The following VAV1 variants were observed in gnomAD, a reference collection of about 807,000 sequenced individuals.
VAV1 encodes proto-oncogene vav.
VAV1 carries 33 observed loss-of-function variants against 128.1 expected under a neutral mutation model. The observed-to-expected ratio is 0.26, with a 90% CI of 0.20 to 0.34. The LOEUF is 0.34. Ranked by LOEUF, VAV1 falls within the 10% of genes least tolerant of loss-of-function variation. VAV1 has a pLI of 1.00. For missense variants in VAV1, 715 were observed against 1,093.7 expected, an observed-to-expected ratio of 0.65 and a Z score of 4.88; for synonymous variants, 394 against 409.8, an observed-to-expected ratio of 0.96 and a Z score of 0.47.
At chr19:6,781,842 G>A (rs1407106149) in intron 1 of VAV1, among the ~76,000 whole-genome samples, 1 of 151,828 alleles carries the variant, frequency 6.6e-6, no homozygotes, top group Non-Finnish European at 1.5e-5. Context: ...TCCTGACCTC[G>A]AGTGATCCAC....
chr19:6,832,018 G>C (rs751537311), intron 14 of VAV1, 73 bp from the exon 15 acceptor site: 16 of 1,289,868 alleles, frequency 1.2e-5, no homozygotes, highest in Non-Finnish European at 1.8e-5. Context: ...CCTACAGAGG[G>C]AGGGGTGGGT....
intron 1 of VAV1, among the ~76,000 whole-genome samples, chr19:6,798,378 G>T (rs554144067): frequency 6.6e-5 from 10 of 151,878 alleles, no homozygotes; most frequent in Non-Finnish European, 1.3e-4. Context: ...CTGTAATCTC[G>T]CCCCTTTGGG....
Position 6,779,001 on chromosome 19 carries a change from C to T in VAV1, c.204+5990C>T, listed in dbSNP as rs149065980. On this transcript the variant is annotated intron_variant, in intron 1 of 26. Coordinates refer to ENST00000602142, the MANE Select transcript of VAV1 (RefSeq NM_005428.4). ...AAGCAGTCCTCCTGCCTCAGCCTCC[C>T]GAGTAGCTGGGACTACAGGTGTGCA... Among the ~76,000 whole-genome samples, 1,145 of 131,934 alleles carry T rather than the reference C, an allele frequency of 8.7e-3. 19 individuals carry two copies. Among genetic ancestry groups the T allele is most frequent in the African/African-American group, 0.032 (978 of 30,316 alleles). 86.6% of individuals were successfully genotyped at this position (131,934 alleles called of 152,430 possible). A position where few individuals can be genotyped will look rare whatever the true frequency, so the allele number is the denominator to read the frequency against.
intron 15 of VAV1, 75 bp from the exon 16 acceptor site, chr19:6,833,109 G>A (rs930766397): frequency 7.6e-7 from 1 of 1,318,622 alleles, no homozygotes; most frequent in South Asian, 1.4e-5. Flanking sequence ...TTCATACCAT[G>A]GAATAGTATT....
chr19:6,827,099 A>G (rs4807102), intron 9 of VAV1: 44,865 of 225,466 alleles, frequency 0.2, 5,774 homozygotes, highest in Non-Finnish European at 0.28. Flanking sequence ...CTGAACTTCA[A>G]CCTGGATCTG....
In VAV1 at chr19:6,821,874, C is replaced by T. The variant is rs764281973; in HGVS notation, c.449+15C>T. On this transcript the variant is annotated intron_variant, in intron 4 of 26. Coordinates refer to ENST00000602142, the MANE Select transcript of VAV1 (RefSeq NM_005428.4). Reference sequence around the variant, plus strand: ...GACCAGATCGAGTGAGTGCTCAGGCCTGTGGCCGCACAGCTCACTGGAGCA... The same window carrying T: ...GACCAGATCGAGTGAGTGCTCAGGCTTGTGGCCGCACAGCTCACTGGAGCA... 1 of 1,614,088 alleles carries T rather than the reference C, an allele frequency of 6.2e-7. No individual in the cohort carries two copies. Among genetic ancestry groups the T allele is most frequent in the African/African-American group, 1.3e-5 (1 of 75,076 alleles).
chr19:6,790,329 A>G (rs955097099), intron 1 of VAV1, among the ~76,000 whole-genome samples: 1 of 152,220 alleles, frequency 6.6e-6, no homozygotes. Flanking sequence ...TTCTGAGTTC[A>G]TGCCCTCTTG....
chr19:6,799,939 T>C (rs991124416), intron 1 of VAV1, among the ~76,000 whole-genome samples: 6 of 151,894 alleles, frequency 4.0e-5, no homozygotes, highest in Non-Finnish European at 4.4e-5. Context: ...TGTGCTTTCA[T>C]TTCTCTTGAG....
At chr19:6,835,308 G>A (rs1396932113) in intron 19 of VAV1, among the ~76,000 whole-genome samples, 1 of 151,200 alleles carries the variant, frequency 6.6e-6, no homozygotes, top group Non-Finnish European at 1.5e-5. Flanking sequence ...TAAATCTTAA[G>A]TATATGACTT....
At chr19:6,840,628 G>A (rs2144808751) in intron 21 of VAV1, among the ~76,000 whole-genome samples, 1 of 151,608 alleles carries the variant, frequency 6.6e-6, no homozygotes, top group Admixed American at 6.6e-5. Flanking sequence ...TTGGGATGGA[G>A]TGTGGTCCTG....
intron 24 of VAV1, among the ~76,000 whole-genome samples, chr19:6,852,646 T>A (rs1378424494): frequency 6.7e-6 from 1 of 150,284 alleles, no homozygotes; most frequent in African/African-American, 2.5e-5. Flanking sequence ...GCATGAACCC[T>A]GGAGGCGGAG....
rs1971814698 is a variant in VAV1 at position 6,822,397 on chromosome 19, C to T, written c.559-22C>T. The T allele has an allele frequency of 1.3e-6, 2 of 1,554,030 alleles. No individual in the cohort carries two copies. Among genetic ancestry groups the T allele is most frequent in the South Asian group, 1.2e-5 (1 of 84,430 alleles). ...GGGGCAGCCCCAGGCCCCCCAACACCGGCCTCTCCCCTCGCTCTCAGCCCA... is the reference window on the plus strand; with the variant it reads ...GGGGCAGCCCCAGGCCCCCCAACACTGGCCTCTCCCCTCGCTCTCAGCCCA... On this transcript the variant is annotated intron_variant, in intron 5 of 26. Coordinates refer to ENST00000602142, the MANE Select transcript of VAV1 (RefSeq NM_005428.4). The surrounding 1 kb of genome is among the most constrained non-coding windows in gnomAD (Gnocchi z 5.9).
intron 1 of VAV1, among the ~76,000 whole-genome samples, chr19:6,798,659 T>TCCCCCCCCCC (rs113208165): frequency 6.9e-6 from 1 of 145,328 alleles, no homozygotes; most frequent in Non-Finnish European, 1.5e-5. Context: ...TTTCTCCCCT[T>TCCCCCCCCCC]CCCCCCCCCA....
intron 21 of VAV1, 99 bp downstream of exon 21, chr19:6,837,149 G>T: frequency 7.8e-7 from 1 of 1,285,700 alleles, no homozygotes. Context: ...GTTGGGGAGG[G>T]GGCTGCCCAT....
chr19:6,808,940 G>A (rs1971455739), intron 1 of VAV1, among the ~76,000 whole-genome samples: 1 of 152,038 alleles, frequency 6.6e-6, no homozygotes, highest in Admixed American at 6.6e-5. Flanking sequence ...CTCATCCTCT[G>A]GCAATTTAGC....
At chr19:6,846,416 G>A (rs774934498) in intron 22 of VAV1, among the ~76,000 whole-genome samples, 123 of 151,290 alleles carry the variant, frequency 8.1e-4, no homozygotes, top group Non-Finnish European at 1.5e-3. Context: ...GTGAAACCCC[G>A]CCTCTATTAA....
chr19:6,786,026 C>T (rs997359447), intron 1 of VAV1, among the ~76,000 whole-genome samples: 11 of 152,036 alleles, frequency 7.2e-5, no homozygotes, highest in African/African-American at 2.7e-4. Context: ...GCCCTCCCAA[C>T]TTCCCATTCT....
At chr19:6,821,577 G>T in intron 2 of VAV1, 45 bp from the exon 3 acceptor site, 2 of 1,609,820 alleles carry the variant, frequency 1.2e-6, no homozygotes, top group South Asian at 2.2e-5. Flanking sequence ...GTTCTGCCGT[G>T]GGGGTGTACA....
At chr19:6,835,016 C>G (rs1450043904) in intron 19 of VAV1, among the ~76,000 whole-genome samples, 1 of 151,676 alleles carries the variant, frequency 6.6e-6, no homozygotes, top group Non-Finnish European at 1.5e-5. Flanking sequence ...GCACGCCAAC[C>G]TGGGCAACAG....
Sources: gnomAD v4.1 joint callset for allele counts (sites outside exome capture counted in the v4.1 genomes callset) on GRCh38, gnomAD v4.1.1 for gene constraint, Gnocchi (gnomAD v3.1) non-coding constraint, MANE v1.5 for transcripts, NCBI Gene and HGNC (gene_info 2026-07-23, HGNC 2026-07-21) for gene names.